Variants in TTLL5 observed in about 807,000 individuals in gnomAD.
The protein encoded by TTLL5 is tubulin tyrosine ligase like 5.
In TTLL5, 132 loss-of-function variants were observed where a neutral mutation model predicts 168.4. The observed-to-expected ratio is 0.78, with a 90% confidence interval of 0.68 to 0.91. The LOEUF (loss-of-function observed/expected upper bound fraction) is 0.91, where lower values mean the gene tolerates loss of function less well. TTLL5 is among the 40% of genes least tolerant of loss of function. The pLI is 0.00. For missense variants in TTLL5, 1,545 were observed against 1,581.5 expected (o/e 0.98, Z 0.39); for synonymous variants, 546 against 558.6 (o/e 0.98, Z 0.32).
chr14:75,909,053 C>T (rs1328558524), intron 31 of TTLL5, among the ~76,000 whole-genome samples: 3 of 152,060 alleles, frequency 2.0e-5, no homozygotes, highest in Non-Finnish European at 2.9e-5. Flanking sequence ...GCTGGTATTA[C>T]AGGCGTGAAC....
At chr14:75,736,346 TG>T (rs764344590) in intron 15 of TTLL5, among the ~76,000 whole-genome samples, 1 of 152,190 alleles carries the variant, frequency 6.6e-6, no homozygotes, top group Non-Finnish European at 1.5e-5. Context: ...TTTGGAGTAG[TG>T]CTATTTTCTG....
At chr14:75,670,528 T>A (rs1883657922) in intron 3 of TTLL5, among the ~76,000 whole-genome samples, 1 of 152,238 alleles carries the variant, frequency 6.6e-6, no homozygotes, top group Admixed American at 6.5e-5. Flanking sequence ...CGTTTTACAT[T>A]CCCGTCAACA....
At chr14:75,873,094 G>A (rs963132016) in intron 29 of TTLL5, among the ~76,000 whole-genome samples, 15 of 128,450 alleles carry the variant, frequency 1.2e-4, no homozygotes, top group Non-Finnish European at 2.2e-4. Flanking sequence ...TTTTTTTTGA[G>A]ACGGAGTCTC....
intron 30 of TTLL5, among the ~76,000 whole-genome samples, chr14:75,900,692 T>C (rs2032885686): frequency 6.6e-6 from 1 of 152,324 alleles, no homozygotes; most frequent in African/African-American, 2.4e-5. Flanking sequence ...AGAGTCATTA[T>C]ATATGCAATT....
chr14:75,898,237 T>G (rs2032761102), intron 30 of TTLL5, among the ~76,000 whole-genome samples: 1 of 152,234 alleles, frequency 6.6e-6, no homozygotes, highest in Admixed American at 6.5e-5. Flanking sequence ...CAATTGATTT[T>G]ACACTTAGGA....
chr14:75,683,701 C>T (rs1884801393), intron 5 of TTLL5, 45 bp downstream of exon 5: 1 of 1,466,632 alleles, frequency 6.8e-7, no homozygotes. Context: ...AGGTACATGA[C>T]ATTGGGGCAT....
Position 75,873,778 on chromosome 14 carries a change from C to T in TTLL5, c.3523-8907C>T, listed in dbSNP as rs1200070376. Reference sequence around the variant, plus strand: ...ATTGTGAATAATACATCAATGAACACGGATGTACAAATATCTCTTATGTAT... The same window carrying T: ...ATTGTGAATAATACATCAATGAACATGGATGTACAAATATCTCTTATGTAT... On this transcript the variant is annotated intron_variant, in intron 29 of 31. Transcript: ENST00000298832. Among the ~76,000 whole-genome samples the T allele has an allele frequency of 2.0e-5, 3 of 151,950 alleles. 1 individual carries two copies. The highest frequency in any genetic ancestry group is 6.6e-5 in the Admixed American group (1 of 15,258).
intron 21 of TTLL5, 61 bp from the exon 22 acceptor site, chr14:75,775,423 G>T: frequency 6.3e-7 from 1 of 1,579,240 alleles, no homozygotes; most frequent in Non-Finnish European, 8.6e-7. Flanking sequence ...TTCATAGCTT[G>T]TCTTCTGTTG....
intron 30 of TTLL5, among the ~76,000 whole-genome samples, chr14:75,890,572 AAG>A (rs1675186118): frequency 1.3e-5 from 2 of 152,300 alleles, no homozygotes; most frequent in South Asian, 4.1e-4. Context: ...CTTGAAGAAA[AAG>A]AAGATTTAAC....
chr14:75,663,658 G>A (rs1178070211), intron 2 of TTLL5, among the ~76,000 whole-genome samples: 1 of 152,202 alleles, frequency 6.6e-6, no homozygotes, highest in African/African-American at 2.4e-5. Flanking sequence ...GAGAGGTCAG[G>A]TAACTTACCA....
intron 27 of TTLL5, among the ~76,000 whole-genome samples, chr14:75,800,362 G>A (rs1298972767): frequency 6.6e-6 from 1 of 151,666 alleles, no homozygotes; most frequent in Non-Finnish European, 1.5e-5. Flanking sequence ...GAGATTTTTT[G>A]GTCCATGTCC....
intron 8 of TTLL5, among the ~76,000 whole-genome samples, 185 bp from the exon 9 acceptor site, chr14:75,707,438 A>G (rs1233065085): frequency 1.3e-5 from 2 of 152,084 alleles, no homozygotes; most frequent in Admixed American, 6.6e-5. Flanking sequence ...CATAATATGT[A>G]TACGGTACAA....
intron 10 of TTLL5, among the ~76,000 whole-genome samples, chr14:75,718,938 G>T (rs1559539): frequency 0.75 from 114,520 of 152,146 alleles, 43,536 homozygotes; most frequent in African/African-American, 0.77. Context: ...ATAGGTTTCA[G>T]CAAATATCCT....
At chr14:75,925,862 A>G (rs2034036837) in intron 31 of TTLL5, among the ~76,000 whole-genome samples, 1 of 152,030 alleles carries the variant, frequency 6.6e-6, no homozygotes, top group South Asian at 2.1e-4. Flanking sequence ...CAGCCCGGCC[A>G]ACACAGCGAA....
intron 7 of TTLL5, among the ~76,000 whole-genome samples, chr14:75,702,891 G>A (rs1051500713): frequency 6.6e-6 from 1 of 152,242 alleles, no homozygotes; most frequent in Admixed American, 6.5e-5. Flanking sequence ...GAGGGGAGCT[G>A]GCAACATGCG....
At chr14:75,761,755 G>A (rs1422330755) in intron 18 of TTLL5, among the ~76,000 whole-genome samples, 1 of 152,148 alleles carries the variant, frequency 6.6e-6, no homozygotes, top group Non-Finnish European at 1.5e-5. Context: ...AAGAGTTTAG[G>A]TTATATAGCT....
chr14:75,893,001 G>A (rs73321434), intron 30 of TTLL5, among the ~76,000 whole-genome samples: 1,996 of 152,174 alleles, frequency 0.013, 39 homozygotes, highest in African/African-American at 0.045. Context: ...AAATAAGCCC[G>A]CAAACCAAAA....
intron 31 of TTLL5, among the ~76,000 whole-genome samples, chr14:75,908,114 G>A (rs2033219927): frequency 1.3e-5 from 2 of 152,240 alleles, no homozygotes; most frequent in African/African-American, 4.8e-5. Context: ...ATACAGCCAT[G>A]CTGAGCCTGA....
At position 75,745,732 on chromosome 14, in the gene TTLL5, A is replaced by G. The variant is rs528325861; in HGVS notation, c.1487+151A>G. The G allele has an allele frequency of 6.0e-5, 39 of 652,154 alleles. No homozygotes were observed. In the East Asian group the frequency reaches 1.1e-3, roughly 18 times the overall value. 40.4% of individuals were successfully genotyped at this position (652,154 alleles called of 1,614,324 possible). Reference sequence around the variant, plus strand: ...AAATATTATCCAACCCGAGAACTAGATTATTGACAGTAATTTAATATACCT... The same window carrying G: ...AAATATTATCCAACCCGAGAACTAGGTTATTGACAGTAATTTAATATACCT... On this transcript the variant is annotated intron_variant, in intron 17 of 31. Coordinates refer to ENST00000298832, the MANE Select transcript of TTLL5 (RefSeq NM_015072.5).
Sources: gnomAD v4.1 joint callset for allele counts (sites outside exome capture counted in the v4.1 genomes callset) on GRCh38, gnomAD v4.1.1 for gene constraint, MANE v1.5 for transcripts, NCBI Gene and HGNC (gene_info 2026-07-23, HGNC 2026-07-21) for gene names.